GALNT14: variants seen among roughly 807,000 people sequenced by gnomAD.
GALNT14 encodes polypeptide N-acetylgalactosaminyltransferase 14.
Under a neutral mutation model 77.5 loss-of-function variants are expected in GALNT14, and 60 were observed. The observed-to-expected ratio is 0.77, with a 90% confidence interval of 0.63 to 0.96. The LOEUF is 0.96. GALNT14 is among the 40% of genes least tolerant of loss of function. The pLI is 0.00. For missense variants in GALNT14, 710 were observed against 731.0 expected, an observed-to-expected ratio of 0.97 and a Z score of 0.33; for synonymous variants, 280 against 281.7, an observed-to-expected ratio of 0.99 and a Z score of 0.06.
intron 6 of GALNT14, among the ~76,000 whole-genome samples, chr2:30,951,647 C>T (rs753984510): frequency 2.6e-5 from 4 of 152,330 alleles, no homozygotes; most frequent in Admixed American, 6.5e-5. Flanking sequence ...ACACAAAACA[C>T]GCACACACAT....
the GALNT14 span, among the ~76,000 whole-genome samples, chr2:30,888,033 G>A: frequency 1.3e-5 from 2 of 152,056 alleles, no homozygotes; most frequent in Non-Finnish European, 2.9e-5. Flanking sequence ...TGTTGGTCTG[G>A]GACATCCTTT....
At chr2:31,067,687 C>T (rs373997012) in intron 1 of GALNT14, among the ~76,000 whole-genome samples, 70 of 152,306 alleles carry the variant, frequency 4.6e-4, no homozygotes, top group African/African-American at 1.6e-3. Context: ...CCAACTTGCA[C>T]AGCAAAAATA....
At chr2:30,897,016 G>A in the GALNT14 span, among the ~76,000 whole-genome samples, 2 of 152,068 alleles carry the variant, frequency 1.3e-5, no homozygotes, top group East Asian at 1.9e-4. Context: ...ACAATGCTAC[G>A]CCCTTGCTCC....
rs1669555393 is a variant in GALNT14, at chr2:30,989,636, ATATATATTAG to A, written c.299+3192_299+3201del. ...AATATATATTAGTATATATAAAAAT[ATATATATTAG>A]TATATATTAAAATATATATATTAGT... is the stretch of plus-strand genomic sequence containing the variant. On this transcript the variant is annotated intron_variant, in intron 2 of 14. Coordinates refer to ENST00000349752, the MANE Select transcript of GALNT14 (RefSeq NM_024572.4). Among the ~76,000 whole-genome samples the A allele has an allele frequency of 2.3e-5, 3 of 131,892 alleles. No homozygotes were observed. The South Asian group carries it at 6.7e-4, about 29-fold the overall frequency. The allele number at this position is 131,892 out of a possible 152,430, so 86.5% of individuals were successfully genotyped here. A position where few individuals can be genotyped will look rare whatever the true frequency, so the allele number is the denominator to read the frequency against.
intron 1 of GALNT14, among the ~76,000 whole-genome samples, chr2:31,053,979 C>G (rs1025232152): frequency 2.6e-5 from 4 of 152,142 alleles, no homozygotes; most frequent in Non-Finnish European, 4.4e-5. Flanking sequence ...TAGGCAAAAC[C>G]CAAGGAAAGC....
At chr2:30,954,393 T>G (rs997714792) in intron 6 of GALNT14, among the ~76,000 whole-genome samples, 1 of 152,224 alleles carries the variant, frequency 6.6e-6, no homozygotes, top group African/African-American at 2.4e-5. Context: ...AGAATTTCAC[T>G]CTTGTTGCCT....
chr2:31,083,749 T>C (rs1383702340), intron 1 of GALNT14, among the ~76,000 whole-genome samples: 1 of 152,140 alleles, frequency 6.6e-6, no homozygotes, highest in Non-Finnish European at 1.5e-5. Context: ...GACGAAGCCA[T>C]GGTTCAGTGG....
At chr2:31,124,491 A>C (rs1267664343) in intron 1 of GALNT14, among the ~76,000 whole-genome samples, 1 of 152,198 alleles carries the variant, frequency 6.6e-6, no homozygotes, top group Non-Finnish European at 1.5e-5. Flanking sequence ...TGTGTTGGGC[A>C]AGATATTGGA....
rs576788872 is a variant in GALNT14 at position 31,123,008 on chromosome 2, T to C, written c.129+14950A>G. ...CATCCTGGCTAACACAGTGAAACCC[T>C]GTCTCTACTAAAAAATACAAAAAAT... On this transcript the variant is annotated intron_variant, in intron 1 of 14. Transcript: ENST00000349752. Among the ~76,000 whole-genome samples the C allele has an allele frequency of 3.9e-3, 586 of 152,064 alleles. 7 individuals carry two copies. Among genetic ancestry groups the C allele is most frequent in the African/African-American group, 0.013 (549 of 41,504 alleles).
At chr2:31,126,552 A>G (rs1678712956) in intron 1 of GALNT14, 1 of 152,218 alleles carries the variant, frequency 6.6e-6, no homozygotes, top group African/African-American at 2.4e-5. Context: ...AAAGCACCCA[A>G]CACTTACTAC....
chr2:30,941,560 G>GT (rs1666377524), intron 9 of GALNT14, among the ~76,000 whole-genome samples: 1 of 152,160 alleles, frequency 6.6e-6, no homozygotes, highest in South Asian at 2.1e-4. Flanking sequence ...TGACTGTGCT[G>GT]TTTCTCCTGT....
At chr2:30,946,346 A>G (rs1666696412) in intron 6 of GALNT14, among the ~76,000 whole-genome samples, 1 of 152,172 alleles carries the variant, frequency 6.6e-6, no homozygotes, top group Non-Finnish European at 1.5e-5. Context: ...TGACTGGATC[A>G]TAAGGGTGGA....
chr2:31,123,401 G>A (rs6543603), intron 1 of GALNT14, among the ~76,000 whole-genome samples: 114,293 of 151,936 alleles, frequency 0.75, 43,108 homozygotes, highest in South Asian at 0.9. Flanking sequence ...TGCCCAAAAC[G>A]TATAGAACCC....
At chr2:31,096,397 T>C (rs1296058767) in intron 1 of GALNT14, among the ~76,000 whole-genome samples, 1 of 152,170 alleles carries the variant, frequency 6.6e-6, no homozygotes, top group African/African-American at 2.4e-5. Flanking sequence ...TAGCTAAGCA[T>C]ATGGCCCTGG....
At chr2:30,900,814 G>A in the GALNT14 span, among the ~76,000 whole-genome samples, 1 of 152,222 alleles carries the variant, frequency 6.6e-6, no homozygotes, top group African/African-American at 2.4e-5. Context: ...ACGGGGCTGG[G>A]GCTTTAACAC....
At chr2:30,892,946 G>T in the GALNT14 span, among the ~76,000 whole-genome samples, 3 of 152,150 alleles carry the variant, frequency 2.0e-5, no homozygotes, top group Non-Finnish European at 4.4e-5. Context: ...GAAGAAAAAT[G>T]ATTTTCATCT....
intron 1 of GALNT14, among the ~76,000 whole-genome samples, chr2:31,020,692 A>T (rs182513642): frequency 3.9e-5 from 6 of 152,018 alleles, no homozygotes; most frequent in African/African-American, 1.2e-4. Context: ...GGATCAACCC[A>T]CCTTCTGTCT....
chr2:31,026,190 G>GC (rs1268795038), intron 1 of GALNT14, among the ~76,000 whole-genome samples: 1 of 152,150 alleles, frequency 6.6e-6, no homozygotes, highest in Non-Finnish European at 1.5e-5. Flanking sequence ...AAGGGGCGGG[G>GC]CCACTGGCTT....
At chr2:31,112,831 G>A (rs180728685) in intron 1 of GALNT14, among the ~76,000 whole-genome samples, 1 of 152,176 alleles carries the variant, frequency 6.6e-6, no homozygotes, top group East Asian at 1.9e-4. Context: ...CTCATGTTAT[G>A]GAATCTTATC....
Sources: allele counts gnomAD v4.1 joint callset (sites outside exome capture counted in the v4.1 genomes callset), GRCh38; gene constraint gnomAD v4.1.1; transcripts MANE v1.5; gene names NCBI Gene and HGNC (gene_info 2026-07-23, HGNC 2026-07-21).